Variants in NAA16 observed in about 807,000 individuals in gnomAD.
NAA16 encodes the protein NARG1-like protein.
NAA16 carries 97 observed loss-of-function variants against 110.3 expected under a neutral mutation model. That is an observed-to-expected ratio of 0.88 (90% CI 0.75 to 1.04). The LOEUF is 1.04. NAA16 is among the 50% of genes least tolerant of loss of function. The probability of loss-of-function intolerance (pLI) is 0.00; values close to 1 mark genes in which losing one functional copy is unlikely to be tolerated. For missense variants in NAA16, 1,017 were observed against 1,005.1 expected (o/e 1.01, Z -0.16); for synonymous variants, 372 against 330.6 (o/e 1.13, Z -1.36).
In NAA16 at chr13:41,355,222, T is replaced by C. The variant is rs1373209930; in HGVS notation, c.1087+6T>C. On this transcript the variant is annotated splice_donor_region_variant and intron_variant, in intron 10 of 19. Transcript: ENST00000379406. The stretch of plus-strand genomic sequence containing the variant: ...TGACTTTTTTAGCCCATATGGTAAG[T>C]TTAAATTAGATTGAATTGGAATTTG... The C allele has an allele frequency of 1.3e-6, 2 of 1,516,108 alleles. No individual in the cohort carries two copies. Among genetic ancestry groups the C allele is most frequent in the Non-Finnish European group, 1.8e-6 (2 of 1,110,582 alleles). The allele number at this position is 1,516,108 out of a possible 1,614,324, so 93.9% of individuals were successfully genotyped here. A position where few individuals can be genotyped will look rare whatever the true frequency, so the allele number is the denominator to read the frequency against.
intron 1 of NAA16, among the ~76,000 whole-genome samples, chr13:41,315,919 A>G (rs1225178115): frequency 6.6e-6 from 1 of 151,948 alleles, no homozygotes; most frequent in African/African-American, 2.4e-5. Flanking sequence ...ACAGATGTGC[A>G]CCACCACGCC....
intron 12 of NAA16, among the ~76,000 whole-genome samples, chr13:41,361,031 G>GA (rs1256132584): frequency 7.2e-5 from 11 of 152,140 alleles, no homozygotes; most frequent in African/African-American, 2.4e-4. Context: ...AAAATGTGAG[G>GA]AAAAACTGTA....
chr13:41,348,937 C>T (rs184863955), intron 9 of NAA16, among the ~76,000 whole-genome samples: 87 of 152,216 alleles, frequency 5.7e-4, no homozygotes, highest in Middle Eastern at 6.8e-3. Flanking sequence ...ATATGCGTGT[C>T]ATAGTCTGTT....
At chr13:41,346,173 G>C (rs1235205286) in intron 9 of NAA16, among the ~76,000 whole-genome samples, 1 of 152,168 alleles carries the variant, frequency 6.6e-6, no homozygotes, top group East Asian at 1.9e-4. Context: ...GGTGTGGTAG[G>C]AGTCCAGATT....
At chr13:41,372,688 G>C (rs532947616) in intron 16 of NAA16, 44 bp from the exon 17 acceptor site, 1 of 1,516,090 alleles carries the variant, frequency 6.6e-7, no homozygotes, top group Admixed American at 2.0e-5. Context: ...GGAAAATACT[G>C]TGTAAGTATT....
intron 9 of NAA16, among the ~76,000 whole-genome samples, chr13:41,351,373 A>G (rs1015108635): frequency 5.9e-5 from 9 of 152,192 alleles, no homozygotes; most frequent in African/African-American, 1.2e-4. Flanking sequence ...TAGCCCCTTC[A>G]GCACCAAAAT....
At chr13:41,312,751 C>T (rs946808468) in intron 1 of NAA16, among the ~76,000 whole-genome samples, 2 of 152,060 alleles carry the variant, frequency 1.3e-5, no homozygotes, top group African/African-American at 2.4e-5. Flanking sequence ...AGAAACTTCA[C>T]ACTTAGTCTT....
rs2042231620 is a variant in NAA16, at chr13:41,331,307, AAAT to A, written c.846_848del (p.Glu282_Ile283delinsAsp). 1 of 1,609,774 alleles carries A rather than the reference AAAT, an allele frequency of 6.2e-7. No individual in the cohort carries two copies. The highest frequency in any genetic ancestry group is 8.5e-7 in the Non-Finnish European group (1 of 1,177,464). On this transcript the variant is annotated inframe_deletion, in exon 8 of 20. Coordinates refer to ENST00000379406, the MANE Select transcript of NAA16 (RefSeq NM_024561.5). ...GAAGAGAGGCTTCAAATTTATGAAG[AAAT>A]TAGTAAGCAGCACCCCAAAGCAATT...
chr13:41,311,329 C>G lies in NAA16; in HGVS notation c.-200C>G, dbSNP rs138819345. 3 of 589,372 alleles carry G rather than the reference C, an allele frequency of 5.1e-6. No individual in the cohort carries two copies. Among genetic ancestry groups the G allele is most frequent in the Non-Finnish European group, 8.9e-6 (3 of 336,526 alleles). The allele number at this position is 589,372 out of a possible 1,614,324, so 36.5% of individuals were successfully genotyped here. A position where few individuals can be genotyped will look rare whatever the true frequency, so the allele number is the denominator to read the frequency against. ...AAAGCGGAGCCCAGGGGAAGCGTGT[C>G]CTGCTCAGACCGCCTTCCTTCTCCA... On this transcript the variant is annotated 5_prime_UTR_variant, in exon 1 of 20. Transcript: ENST00000379406.
At position 41,367,659 on chromosome 13, in the gene NAA16, G is replaced by A; in HGVS notation, c.1753+7G>A. 6.4e-7 allele frequency: 1 copy of A among 1,573,114 alleles called. No homozygotes were observed. The highest frequency in any genetic ancestry group is 8.7e-7 in the Non-Finnish European group (1 of 1,152,280). On this transcript the variant is annotated splice_region_variant and intron_variant, in intron 14 of 19. Transcript: ENST00000379406. Reference sequence around the variant, plus strand: ...CAACAAGAAATAAACTCAGGTAACTGAATAGGAACTTAAAAGATTTTAAAA... The same window carrying A: ...CAACAAGAAATAAACTCAGGTAACTAAATAGGAACTTAAAAGATTTTAAAA...
chr13:41,313,931 A>T (rs1345729311), intron 1 of NAA16, among the ~76,000 whole-genome samples: 1 of 149,714 alleles, frequency 6.7e-6, no homozygotes, highest in Non-Finnish European at 1.5e-5. Flanking sequence ...GCAAGATCTC[A>T]CTGCAACCTC....
chr13:41,342,259 T>G (rs1019262863), intron 9 of NAA16, among the ~76,000 whole-genome samples: 8 of 151,918 alleles, frequency 5.3e-5, no homozygotes, highest in Non-Finnish European at 1.0e-4. Flanking sequence ...TGCCTCAGCC[T>G]CCCGAGTAGC....
At chr13:41,365,079 G>T (rs371103682) in intron 13 of NAA16, among the ~76,000 whole-genome samples, 1 of 152,110 alleles carries the variant, frequency 6.6e-6, no homozygotes, top group African/African-American at 2.4e-5. Context: ...ATTTGAATAC[G>T]TACTTTTCTG....
intron 7 of NAA16, among the ~76,000 whole-genome samples, chr13:41,330,022 G>A (rs895063486): frequency 4.8e-5 from 1 of 20,822 alleles, no homozygotes; most frequent in African/African-American, 3.5e-4. Context: ...TAGGGTAGTG[G>A]ATAATTTTTT....
rs543445780 is a variant in NAA16 at position 41,374,905 on chromosome 13, A to G, written c.2397+66A>G. The stretch of plus-strand genomic sequence containing the variant: ...ATCTAACAAAACGTGTCTTTACAGC[A>G]TAATTCTTGAGTAGGCCTTCAGAAT... On this transcript the variant is annotated intron_variant, in intron 19 of 19. Transcript: ENST00000379406. 4 of 953,590 alleles carry G rather than the reference A, an allele frequency of 4.2e-6. No individual in the cohort carries two copies. The Admixed American group carries it at 8.9e-5, about 21-fold the overall frequency. 59.1% of individuals were successfully genotyped at this position (953,590 alleles called of 1,614,324 possible).
chr13:41,325,306 TGTG>T (rs1258451330), intron 5 of NAA16, among the ~76,000 whole-genome samples: 1 of 152,126 alleles, frequency 6.6e-6, no homozygotes, highest in Non-Finnish European at 1.5e-5. Context: ...CTCACTTTAT[TGTG>T]GTGGTCTGGA....
At chr13:41,332,425 A>G (rs1283574734) in intron 8 of NAA16, among the ~76,000 whole-genome samples, 1 of 152,204 alleles carries the variant, frequency 6.6e-6, no homozygotes, top group African/African-American at 2.4e-5. Context: ...CTTTTATTGT[A>G]CAATAGTATA....
intron 1 of NAA16, 43 bp downstream of exon 1, chr13:41,311,625 T>C: frequency 6.4e-7 from 1 of 1,572,534 alleles, no homozygotes; most frequent in Non-Finnish European, 8.6e-7. Context: ...GGTCCCCGGG[T>C]CCTCGGGCCT....
At position 41,326,589 on chromosome 13, in the gene NAA16, T is replaced by TA. The variant is rs141773866; in HGVS notation, c.691+739dup. 3.6e-3 allele frequency among the ~76,000 whole-genome samples: 542 copies of TA among 152,312 alleles called. 1 individual carries two copies. The highest frequency in any genetic ancestry group is 0.012 in the African/African-American group (491 of 41,584). ...TGGATGCTATTTATTAACCCCATTT[T>TA]ATAGTGGAAGAGACTGAGGCTTAGA... On this transcript the variant is annotated intron_variant, in intron 6 of 19. Transcript: ENST00000379406.
Sources: gnomAD v4.1 joint callset for allele counts (sites outside exome capture counted in the v4.1 genomes callset) on GRCh38, gnomAD v4.1.1 for gene constraint, MANE v1.5 for transcripts, NCBI Gene and HGNC (gene_info 2026-07-23, HGNC 2026-07-21) for gene names.